Variants in SLIT3 observed in about 807,000 individuals in gnomAD.
The protein encoded by SLIT3 is slit homolog 3 protein.
In SLIT3, 68 loss-of-function variants were observed where a neutral mutation model predicts 184.0. The observed-to-expected ratio is 0.37, with a 90% confidence interval of 0.30 to 0.45. SLIT3 has a LOEUF of 0.45. Among genes scored for constraint, SLIT3 ranks in the 20% least tolerant of loss-of-function variants. SLIT3 has a pLI of 1.00. For missense variants in SLIT3, 1,707 were observed against 2,026.0 expected, an observed-to-expected ratio of 0.84 and a Z score of 3.02; for synonymous variants, 831 against 828.6, an observed-to-expected ratio of 1.00 and a Z score of -0.05.
intron 20 of SLIT3, among the ~76,000 whole-genome samples, chr5:168,726,411 G>A (rs1763116620): frequency 7.2e-5 from 1 of 13,796 alleles, no homozygotes; most frequent in African/African-American, 2.6e-4. Flanking sequence ...AGGCAGGGAG[G>A]CAGAGGGAGG....
chr5:168,832,890 C>T (rs1054365584), intron 6 of SLIT3, among the ~76,000 whole-genome samples: 3 of 152,008 alleles, frequency 2.0e-5, no homozygotes, highest in African/African-American at 4.8e-5. Flanking sequence ...TTTTGGTCTC[C>T]GAACCAAACA....
intron 6 of SLIT3, among the ~76,000 whole-genome samples, chr5:168,841,371 C>T (rs773503597): frequency 2.0e-5 from 3 of 152,088 alleles, no homozygotes; most frequent in African/African-American, 4.8e-5. Flanking sequence ...TAACTGCTAG[C>T]GATTTTCATT....
At chr5:168,776,205 T>A (rs977449895) in intron 12 of SLIT3, among the ~76,000 whole-genome samples, 1 of 152,092 alleles carries the variant, frequency 6.6e-6, no homozygotes, top group Admixed American at 6.6e-5. Context: ...TGCTAAATCA[T>A]CCATGCCACC....
intron 4 of SLIT3, among the ~76,000 whole-genome samples, chr5:169,015,221 A>G (rs1483253164): frequency 6.6e-6 from 1 of 152,174 alleles, no homozygotes; most frequent in Non-Finnish European, 1.5e-5. Context: ...TGTCATCATA[A>G]TCATCCCTCC....
intron 11 of SLIT3, among the ~76,000 whole-genome samples, chr5:168,789,019 G>A (rs953963368): frequency 5.3e-5 from 8 of 152,086 alleles, no homozygotes; most frequent in Non-Finnish European, 1.0e-4. Context: ...CCCCTGGTGG[G>A]TGAAGCTTTG....
At chr5:168,935,614 C>T (rs1162970496) in intron 4 of SLIT3, among the ~76,000 whole-genome samples, 1 of 140,926 alleles carries the variant, frequency 7.1e-6, no homozygotes, top group Non-Finnish European at 1.6e-5. Flanking sequence ...AAGTGGAAAA[C>T]TCTGTTGGAT....
chr5:168,827,233 T>C (rs533173316), intron 6 of SLIT3, among the ~76,000 whole-genome samples: 1 of 152,296 alleles, frequency 6.6e-6, no homozygotes, highest in East Asian at 1.9e-4. Context: ...CAGATTACCA[T>C]GGATTTGGTG....
intron 4 of SLIT3, among the ~76,000 whole-genome samples, chr5:169,104,924 C>A (rs1317064147): frequency 6.6e-6 from 1 of 152,150 alleles, no homozygotes. Flanking sequence ...CAGGGTATGG[C>A]ATTTTGAAAG....
chr5:168,957,447 C>G (rs1762862693), intron 4 of SLIT3, among the ~76,000 whole-genome samples: 1 of 152,164 alleles, frequency 6.6e-6, no homozygotes, highest in Non-Finnish European at 1.5e-5. Flanking sequence ...CAAAGTGACT[C>G]AGACATCACT....
chr5:168,941,038 T>G (rs1009678404), intron 4 of SLIT3, among the ~76,000 whole-genome samples: 6 of 152,224 alleles, frequency 3.9e-5, no homozygotes, highest in Non-Finnish European at 7.3e-5. Context: ...CTAGTCAATT[T>G]TAACTTTTGA....
At chr5:169,066,638 T>C (rs1161603704) in intron 4 of SLIT3, among the ~76,000 whole-genome samples, 4 of 152,228 alleles carry the variant, frequency 2.6e-5, no homozygotes, top group East Asian at 1.9e-4. Flanking sequence ...TGGTACTATA[T>C]AGCAAAAGCA....
chr5:169,109,977 G>A (rs1020499779), intron 4 of SLIT3, among the ~76,000 whole-genome samples: 20 of 152,220 alleles, frequency 1.3e-4, no homozygotes, highest in South Asian at 8.3e-4. Context: ...CTCATGGAGC[G>A]TCTAATAACA....
chr5:168,766,589 C>A (rs1755353528), intron 14 of SLIT3, among the ~76,000 whole-genome samples: 1 of 152,222 alleles, frequency 6.6e-6, no homozygotes, highest in Non-Finnish European at 1.5e-5. Context: ...GAGGGAAATA[C>A]CCATGGTCTG....
chr5:169,247,660 A>C (rs1388670063), intron 2 of SLIT3, among the ~76,000 whole-genome samples: 1 of 152,134 alleles, frequency 6.6e-6, no homozygotes, highest in African/African-American at 2.4e-5. Context: ...GGCTTCATCA[A>C]GAAGTTTTTT....
intron 3 of SLIT3, among the ~76,000 whole-genome samples, chr5:169,212,161 G>A (rs180759607): frequency 2.6e-5 from 4 of 152,138 alleles, no homozygotes; most frequent in Admixed American, 2.0e-4. Context: ...TGGGTCAAAT[G>A]GTATTTCTAG....
At chr5:169,033,098 C>T (rs1757098600) in intron 4 of SLIT3, among the ~76,000 whole-genome samples, 1 of 151,946 alleles carries the variant, frequency 6.6e-6, no homozygotes, top group South Asian at 2.1e-4. Flanking sequence ...CCATCTCCTC[C>T]CTAGCTATCC....
chr5:169,160,183 A>G (rs1762433571), intron 4 of SLIT3, among the ~76,000 whole-genome samples: 1 of 152,234 alleles, frequency 6.6e-6, no homozygotes, highest in African/African-American at 2.4e-5. Context: ...GAAGGCTATT[A>G]CATGTCTATC....
At chr5:169,029,337 T>A (rs937352263) in intron 4 of SLIT3, among the ~76,000 whole-genome samples, 3 of 152,246 alleles carry the variant, frequency 2.0e-5, no homozygotes, top group Admixed American at 6.5e-5. Flanking sequence ...TCCTAGTTCA[T>A]TTGTTCTCAA....
chr5:168,990,157 G>C (rs998026087), intron 4 of SLIT3, among the ~76,000 whole-genome samples: 1 of 152,000 alleles, frequency 6.6e-6, no homozygotes, highest in Non-Finnish European at 1.5e-5. Context: ...TCTACATCAG[G>C]GTCCATCAGG....
Sources: gnomAD v4.1 joint callset for allele counts (sites outside exome capture counted in the v4.1 genomes callset) on GRCh38, gnomAD v4.1.1 for gene constraint, MANE v1.5 for transcripts, NCBI Gene and HGNC (gene_info 2026-07-23, HGNC 2026-07-21) for gene names.